Variants in RBBP8 observed in about 807,000 individuals in gnomAD.
RBBP8 encodes DNA endonuclease RBBP8.
RBBP8 carries 88 observed loss-of-function variants against 108.3 expected under a neutral mutation model. The ratio of observed to expected loss-of-function variants is 0.81; its 90% CI spans 0.68 to 0.97. The LOEUF is 0.97. Among genes scored for constraint, RBBP8 ranks in the 50% least tolerant of loss-of-function variants. RBBP8 has a pLI of 0.00. For missense variants in RBBP8, 1,023 were observed against 1,049.0 expected, an observed-to-expected ratio of 0.98 and a Z score of 0.34; for synonymous variants, 332 against 348.2, an observed-to-expected ratio of 0.95 and a Z score of 0.52.
intron 16 of RBBP8, 66 bp downstream of exon 16, chr18:23,006,498 C>G (rs949619997): frequency 1.7e-5 from 23 of 1,340,652 alleles, no homozygotes; most frequent in Non-Finnish European, 2.3e-5. Context: ...TTTTATTTCT[C>G]TCTCTTTTTT....
In RBBP8 at chr18:22,991,047, A is replaced by G. The variant is rs1915658138; in HGVS notation, c.918A>G (p.Leu306=). ...CTACAAGAAATACTGAAGATAGTTT[A>G]AGGTAATTAAGGGCACGTTGGTGAA... ...EESTRNTEDS[L]RFSDSTSKTP... is the part of the protein sequence containing the mutation. The change falls in exon 10 of 19, where the codon TTA becomes TTG. Residue 306 remains leucine, a splice_region_variant and synonymous_variant. Coordinates refer to ENST00000327155, the MANE Select transcript of RBBP8 (RefSeq NM_002894.3). The G allele has an allele frequency of 1.3e-6, 2 of 1,598,116 alleles. No individual in the cohort carries two copies. The highest frequency in any genetic ancestry group is 4.5e-5 in the East Asian group (2 of 44,768).
chr18:22,972,353 CAAAAAAAAAA>C lies in RBBP8; in HGVS notation c.362-2787_362-2778del. Among the ~76,000 whole-genome samples, 4 of 55,898 alleles carry C rather than the reference CAAAAAAAAAA, an allele frequency of 7.2e-5. 1 individual carries two copies. The South Asian group carries it at 3.3e-3, about 47-fold the overall frequency. The allele number at this position is 55,898 out of a possible 152,430, so 36.7% of individuals were successfully genotyped here. A position where few individuals can be genotyped will look rare whatever the true frequency, so the allele number is the denominator to read the frequency against. ...TCGGCGACAGAGCGAGACTCCCTCT[CAAAAAAAAAA>C]AAAAAAAAAAAATCAAAGAATTAGC... On this transcript the variant is annotated intron_variant, in intron 5 of 18. Coordinates refer to ENST00000327155, the MANE Select transcript of RBBP8 (RefSeq NM_002894.3).
intron 4 of RBBP8, among the ~76,000 whole-genome samples, chr18:22,955,841 A>G (rs916414493): frequency 4.6e-5 from 7 of 152,086 alleles, no homozygotes; most frequent in Admixed American, 1.3e-4. Context: ...GGGCCTCCCA[A>G]AGTGCTGGGA....
At chr18:22,992,618 T>C in intron 10 of RBBP8, 130 bp from the exon 11 acceptor site, 1 of 688,544 alleles carries the variant, frequency 1.5e-6, no homozygotes, top group East Asian at 2.7e-5. Context: ...CCTTCTCTTT[T>C]GTCATCTAAA....
At chr18:22,990,866 C>G in intron 9 of RBBP8, 71 bp from the exon 10 acceptor site, 1 of 1,130,350 alleles carries the variant, frequency 8.8e-7, no homozygotes, top group Non-Finnish European at 1.3e-6. Context: ...TAACATATAT[C>G]AGTACTTCAT....
At chr18:22,955,101 A>G (rs1912395768) in intron 4 of RBBP8, among the ~76,000 whole-genome samples, 1 of 152,152 alleles carries the variant, frequency 6.6e-6, no homozygotes, top group African/African-American at 2.4e-5. Context: ...TCTCTTTAAG[A>G]TCTATTCTAC....
chr18:22,989,238 A>G lies in RBBP8; in HGVS notation c.727A>G (p.Ser243Gly), dbSNP rs1480667066. The change falls in exon 9 of 19, where the codon AGC becomes GGC. Residue 243 changes from serine (S) to glycine (G), a missense_variant. Ser to Gly is a moderately conservative substitution (Grantham distance 56). Coordinates refer to ENST00000327155, the MANE Select transcript of RBBP8 (RefSeq NM_002894.3). ...ATTCTTAGAAGCACATGGAACAAGC[A>G]GCTATACCCCTGATAAGTCATCTTT... ...SPMAKAHGTS[S>G]YTPDKSSFNL... The G allele has an allele frequency of 6.2e-7, 1 of 1,608,746 alleles. No individual in the cohort carries two copies. Among genetic ancestry groups the G allele is most frequent in the South Asian group, 1.1e-5 (1 of 90,936 alleles).
intron 16 of RBBP8, among the ~76,000 whole-genome samples, chr18:23,011,224 T>C (rs2046153997): frequency 6.6e-6 from 1 of 152,226 alleles, no homozygotes; most frequent in Non-Finnish European, 1.5e-5. Flanking sequence ...GTATACTTTC[T>C]GTTTCATGGT....
At chr18:23,017,569 GC>G (rs2046280835) in intron 17 of RBBP8, among the ~76,000 whole-genome samples, 1 of 150,656 alleles carries the variant, frequency 6.6e-6, no homozygotes, top group African/African-American at 2.4e-5. Context: ...CAGGAGAATG[GC>G]GTGAACCCGG....
chr18:23,005,267 C>A (rs1349850213), intron 15 of RBBP8, among the ~76,000 whole-genome samples: 2 of 152,190 alleles, frequency 1.3e-5, no homozygotes, highest in Non-Finnish European at 2.9e-5. Flanking sequence ...TCTCAGATAG[C>A]TAAAAGCACA....
upstream of RBBP8, among the ~76,000 whole-genome samples, chr18:22,928,842 G>C (rs1452618768): frequency 6.6e-6 from 1 of 151,940 alleles, no homozygotes; most frequent in African/African-American, 2.4e-5. Flanking sequence ...TCTAATTTTT[G>C]TATTTTTAGT....
upstream of RBBP8, among the ~76,000 whole-genome samples, chr18:22,930,637 C>A (rs560505325): frequency 1.3e-5 from 2 of 152,234 alleles, no homozygotes; most frequent in South Asian, 4.1e-4. Flanking sequence ...TTTGAATGTA[C>A]CCAAAGGTTT....
intron 2 of RBBP8, among the ~76,000 whole-genome samples, chr18:22,937,867 C>T (rs1333963565): frequency 6.6e-6 from 1 of 151,864 alleles, no homozygotes; most frequent in East Asian, 1.9e-4. Context: ...ACTCCGTTGC[C>T]CAGGCTGGAG....
intron 14 of RBBP8, among the ~76,000 whole-genome samples, chr18:23,001,372 A>T (rs2045944265): frequency 6.6e-6 from 1 of 152,222 alleles, no homozygotes; most frequent in Admixed American, 6.5e-5. Context: ...ACATAGATAA[A>T]CACGTGTCAT....
intron 4 of RBBP8, among the ~76,000 whole-genome samples, chr18:22,968,159 A>G (rs537467522): frequency 1.1e-3 from 162 of 144,566 alleles, no homozygotes; most frequent in African/African-American, 4.0e-3. Context: ...TGCAACCTCC[A>G]CCTCCCGGGT....
At chr18:22,954,075 A>G (rs1338074760) in intron 4 of RBBP8, among the ~76,000 whole-genome samples, 1 of 152,014 alleles carries the variant, frequency 6.6e-6, no homozygotes, top group Non-Finnish European at 1.5e-5. Flanking sequence ...GGGAACTACA[A>G]TTCAAGTTGA....
intron 8 of RBBP8, among the ~76,000 whole-genome samples, chr18:22,985,488 A>G (rs1458636134): frequency 2.6e-5 from 4 of 152,190 alleles, no homozygotes; most frequent in Admixed American, 2.6e-4. Context: ...ACCCAGGCAG[A>G]GAAATTAGCA....
Position 22,936,744 on chromosome 18 carries a change from G to C in RBBP8, c.-98-10G>C. On this transcript the variant is annotated splice_polypyrimidine_tract_variant and intron_variant, in intron 1 of 18. Transcript: ENST00000327155. ...GCAAAGTTCATTTATGTTGCAATCTGTCATTTCAGGTATTTGACCTGTCCA... is the reference window on the plus strand; with the variant it reads ...GCAAAGTTCATTTATGTTGCAATCTCTCATTTCAGGTATTTGACCTGTCCA... 1 of 1,239,712 alleles carries C rather than the reference G, an allele frequency of 8.1e-7. No individual in the cohort carries two copies. Among genetic ancestry groups the C allele is most frequent in the Non-Finnish European group, 1.2e-6 (1 of 850,076 alleles). The allele number at this position is 1,239,712 out of a possible 1,614,324, so 76.8% of individuals were successfully genotyped here.
intron 7 of RBBP8, among the ~76,000 whole-genome samples, chr18:22,984,518 C>G (rs1054791424): frequency 1.3e-5 from 2 of 152,060 alleles, no homozygotes; most frequent in African/African-American, 4.8e-5. Flanking sequence ...CCAAGGTGCT[C>G]AGATTACAGT....
Sources: allele counts gnomAD v4.1 joint callset (sites outside exome capture counted in the v4.1 genomes callset), GRCh38; gene constraint gnomAD v4.1.1; transcripts MANE v1.5; gene names NCBI Gene and HGNC (gene_info 2026-07-23, HGNC 2026-07-21).